The following PCDH9 variants were observed in gnomAD, a reference collection of about 807,000 sequenced individuals.
PCDH9 encodes the protein protocadherin 9, also known as protocadherin-9.
A neutral mutation model predicts 70.6 loss-of-function variants in PCDH9; 24 were observed. The observed-to-expected ratio is 0.34, with a 90% CI of 0.25 to 0.48. The LOEUF is 0.48. Among genes scored for constraint, PCDH9 ranks in the 20% least tolerant of loss-of-function variants. PCDH9 has a pLI of 0.99. For synonymous variants in PCDH9, 562 were observed against 558.5 expected (o/e 1.01, Z -0.09); for missense variants, 1,281 against 1,503.6 (o/e 0.85, Z 2.45).
intron 3 of PCDH9, among the ~76,000 whole-genome samples, chr13:66,722,237 T>C (rs2078950642): frequency 6.6e-6 from 1 of 152,182 alleles, no homozygotes; most frequent in African/African-American, 2.4e-5. Context: ...GGCATGTGTG[T>C]ATACCAAATT....
intron 3 of PCDH9, among the ~76,000 whole-genome samples, chr13:66,632,682 A>T (rs2077586872): frequency 6.6e-6 from 1 of 152,138 alleles, no homozygotes. Flanking sequence ...ATGATCTCTG[A>T]GAATATTTAT....
intron 4 of PCDH9, among the ~76,000 whole-genome samples, chr13:66,539,300 C>T (rs1462977244): frequency 6.6e-6 from 1 of 152,000 alleles, no homozygotes; most frequent in African/African-American, 2.4e-5. Flanking sequence ...GGCTGTGTCC[C>T]CACCCAAATC....
chr13:66,604,149 G>T (rs1206255758), intron 4 of PCDH9, among the ~76,000 whole-genome samples: 1 of 151,912 alleles, frequency 6.6e-6, no homozygotes, highest in Non-Finnish European at 1.5e-5. Context: ...ATTTCCCCTT[G>T]CTCACACTTT....
At chr13:66,733,453 C>T (rs765836446) in intron 3 of PCDH9, among the ~76,000 whole-genome samples, 28 of 152,130 alleles carry the variant, frequency 1.8e-4, no homozygotes, top group Admixed American at 3.9e-4. Flanking sequence ...ACTAAAAACA[C>T]ACAAAGTACA....
intron 3 of PCDH9, among the ~76,000 whole-genome samples, chr13:66,745,070 C>A (rs1246881950): frequency 6.6e-6 from 1 of 152,148 alleles, no homozygotes; most frequent in Non-Finnish European, 1.5e-5. Context: ...GTGTGAGCCT[C>A]AGTTTTCTCA....
intron 2 of PCDH9, among the ~76,000 whole-genome samples, chr13:67,182,665 G>A (rs2088648269): frequency 6.6e-6 from 1 of 152,060 alleles, no homozygotes; most frequent in Non-Finnish European, 1.5e-5. Flanking sequence ...GATCTCTGTT[G>A]AAAAATTTAC....
intron 4 of PCDH9, among the ~76,000 whole-genome samples, chr13:66,433,916 T>G (rs2138382364): frequency 6.6e-6 from 1 of 151,968 alleles, no homozygotes; most frequent in African/African-American, 2.4e-5. Context: ...ATTTCGATGG[T>G]GTTGACTGAT....
chr13:66,964,631 C>A (rs1318788242), intron 2 of PCDH9, among the ~76,000 whole-genome samples: 2 of 151,684 alleles, frequency 1.3e-5, no homozygotes, highest in African/African-American at 4.8e-5. Context: ...AAAAAATATT[C>A]TTCAGGATTC....
At chr13:66,660,505 T>C (rs9317599) in intron 3 of PCDH9, among the ~76,000 whole-genome samples, 12,746 of 152,254 alleles carry the variant, frequency 0.084, 609 homozygotes, top group Middle Eastern at 0.11. Context: ...CCCAATACAA[T>C]GTTAATAATC....
At chr13:66,448,774 C>T (rs1228594637) in intron 4 of PCDH9, among the ~76,000 whole-genome samples, 5 of 152,068 alleles carry the variant, frequency 3.3e-5, no homozygotes, top group East Asian at 1.9e-4. Flanking sequence ...ACATTTGCTG[C>T]GTACTATTTT....
intron 4 of PCDH9, among the ~76,000 whole-genome samples, chr13:66,482,458 G>A (rs1346391955): frequency 1.3e-5 from 2 of 152,266 alleles, no homozygotes; most frequent in East Asian, 3.9e-4. Flanking sequence ...TCTGAAGTGG[G>A]TCACTCTACC....
At chr13:67,106,801 C>T (rs543260905) in intron 2 of PCDH9, among the ~76,000 whole-genome samples, 2 of 152,342 alleles carry the variant, frequency 1.3e-5, no homozygotes, top group East Asian at 3.9e-4. Context: ...CTGGCCTCTC[C>T]CTGCCCCTGG....
At chr13:66,603,630 C>G (rs950977777) in intron 4 of PCDH9, among the ~76,000 whole-genome samples, 14 of 151,870 alleles carry the variant, frequency 9.2e-5, no homozygotes, top group Non-Finnish European at 1.9e-4. Context: ...TAATCAGGTC[C>G]TCATTCACCA....
chr13:66,342,518 TGAG>T (rs1402181268), intron 4 of PCDH9, among the ~76,000 whole-genome samples: 6 of 152,172 alleles, frequency 3.9e-5, no homozygotes, highest in African/African-American at 1.4e-4. Flanking sequence ...ATAAAGAAAG[TGAG>T]GCAGAGAAAG....
intron 3 of PCDH9, among the ~76,000 whole-genome samples, chr13:66,769,345 C>T (rs993827842): frequency 3.3e-5 from 5 of 152,040 alleles, no homozygotes; most frequent in Non-Finnish European, 7.4e-5. Flanking sequence ...TCATAAACTG[C>T]TTTTTTCACA....
intron 2 of PCDH9, among the ~76,000 whole-genome samples, chr13:66,945,246 C>A (rs1301686294): frequency 6.6e-6 from 1 of 152,076 alleles, no homozygotes; most frequent in South Asian, 2.1e-4. Flanking sequence ...CCCTCATCTT[C>A]CTATAATTTG....
chr13:66,672,137 T>C (rs998607009), intron 3 of PCDH9, among the ~76,000 whole-genome samples: 3 of 152,206 alleles, frequency 2.0e-5, no homozygotes, highest in African/African-American at 7.2e-5. Context: ...GAGGTCAACA[T>C]ACAGCTCAGG....
At chr13:66,460,219 G>T (rs1958397329) in intron 4 of PCDH9, among the ~76,000 whole-genome samples, 1 of 151,864 alleles carries the variant, frequency 6.6e-6, no homozygotes, top group Non-Finnish European at 1.5e-5. Context: ...GTAAAACTAT[G>T]CTATTATATA....
rs1316370345 is a variant in PCDH9 at position 67,226,927 on chromosome 13, A to T, written c.1514T>A (p.Val505Asp). 1 of 1,614,190 alleles carries T rather than the reference A, an allele frequency of 6.2e-7. No homozygotes were observed. The highest frequency in any genetic ancestry group is 8.5e-7 in the Non-Finnish European group (1 of 1,180,018). ...GGAGGCATTCGGTCCAAGCTGATAA[A>T]CAATGTCTGCATTTTTCCCACTGTC... is the stretch of plus-strand genomic sequence containing the variant. ...DEDSGKNADI[V>D]YQLGPNASFF... Residue 505 changes from valine to aspartate, a missense_variant, in exon 2 of 5, where the codon GTT becomes GAT. Coordinates refer to ENST00000377865, the MANE Select transcript of PCDH9 (RefSeq NM_203487.3). The surrounding 1 kb of genome is among the most constrained non-coding windows in gnomAD (Gnocchi z 5.0).
Sources: gnomAD v4.1 joint callset for allele counts (sites outside exome capture counted in the v4.1 genomes callset) on GRCh38, gnomAD v4.1.1 for gene constraint, Gnocchi (gnomAD v3.1) non-coding constraint, MANE v1.5 for transcripts, NCBI Gene and HGNC (gene_info 2026-07-23, HGNC 2026-07-21) for gene names.